The following TMPRSS13 variants were observed in gnomAD, a reference collection of about 807,000 sequenced individuals.
TMPRSS13 encodes the protein transmembrane protease serine 13.
Under a neutral mutation model 68.4 loss-of-function variants are expected in TMPRSS13, and 50 were observed. That is an observed-to-expected ratio of 0.73 (90% CI 0.58 to 0.93). The LOEUF is 0.93. Ranked by LOEUF, TMPRSS13 falls within the 40% of genes least tolerant of loss-of-function variation. The pLI is 0.00. For synonymous variants in TMPRSS13, 267 were observed against 285.8 expected (o/e 0.93, Z 0.66); for missense variants, 615 against 729.2 (o/e 0.84, Z 1.80).
intron 10 of TMPRSS13, among the ~76,000 whole-genome samples, chr11:117,905,388 ACTC>A (rs1316711774): frequency 6.6e-6 from 1 of 152,058 alleles, no homozygotes; most frequent in Admixed American, 6.5e-5. Context: ...TGAGCAATGA[ACTC>A]AACTAGTTCA....
intron 5 of TMPRSS13, among the ~76,000 whole-genome samples, chr11:117,912,759 C>T (rs1292802734): frequency 1.3e-5 from 2 of 152,324 alleles, no homozygotes; most frequent in African/African-American, 4.8e-5. Context: ...GTTTAAGTCT[C>T]TCTCACTGAG....
intron 9 of TMPRSS13, 48 bp downstream of exon 9, chr11:117,908,564 G>C (rs771329115): frequency 3.2e-6 from 5 of 1,540,354 alleles, no homozygotes; most frequent in Non-Finnish European, 8.7e-7. Flanking sequence ...GGCTGCAGAG[G>C]GTGCTGGGGC....
intron 12 of TMPRSS13, chr11:117,903,250 A>C: frequency 7.6e-7 from 1 of 1,313,804 alleles, no homozygotes; most frequent in Non-Finnish European, 1.0e-6. Flanking sequence ...AGACTAAAAC[A>C]AACAGAGCTG....
In TMPRSS13 at chr11:117,918,597, CG is replaced by C; in HGVS notation, c.262del (p.Arg88GlyfsTer25). 6.2e-7 allele frequency: 1 copy of C among 1,610,500 alleles called. No homozygotes were observed. The highest frequency in any genetic ancestry group is 8.5e-7 in the Non-Finnish European group (1 of 1,178,518). ...QASPAQASPA[R>X]ASPALASLSR... The stretch of plus-strand genomic sequence containing the variant: ...AAGTGATGCCAGAGCCGGAGATGCC[CG>C]GGCTGGAGATGCCTGGGCTGGAGAT... On this transcript the variant is annotated frameshift_variant, in exon 2 of 13. Coordinates refer to ENST00000524993, the MANE Select transcript of TMPRSS13 (RefSeq NM_001077263.3). LOFTEE classifies it high-confidence loss of function.
At chr11:117,903,506 C>T in intron 12 of TMPRSS13, 149 bp downstream of exon 12, 1 of 1,547,228 alleles carries the variant, frequency 6.5e-7, no homozygotes, top group Non-Finnish European at 8.7e-7. Flanking sequence ...GGATTGACCC[C>T]AGGCATCACA....
intron 7 of TMPRSS13, 82 bp downstream of exon 7, chr11:117,910,625 C>T (rs941996767): frequency 7.1e-7 from 1 of 1,412,312 alleles, no homozygotes; most frequent in Admixed American, 2.1e-5. Flanking sequence ...CTGTGCCAAA[C>T]ACCTCCCTTG....
chr11:117,917,897 T>C (rs1190694848), intron 2 of TMPRSS13, among the ~76,000 whole-genome samples: 1 of 152,176 alleles, frequency 6.6e-6, no homozygotes, highest in East Asian at 1.9e-4. Context: ...CCCCAAGGCC[T>C]ATTCAACCTC....
chr11:117,913,955 T>A (rs781343453), intron 4 of TMPRSS13, 49 bp from the exon 5 acceptor site: 7 of 1,598,768 alleles, frequency 4.4e-6, no homozygotes, highest in Non-Finnish European at 6.0e-6. Flanking sequence ...CTAGGAAGCA[T>A]CAAGCTCTTG....
At position 117,917,200 on chromosome 11, in the gene TMPRSS13, TGAG is replaced by T; in HGVS notation, c.523_525del (p.Leu175del). The T allele has an allele frequency of 1.2e-6, 2 of 1,612,742 alleles. No homozygotes were observed. Among genetic ancestry groups the T allele is most frequent in the Non-Finnish European group, 1.7e-6 (2 of 1,179,970 alleles). On this transcript the variant is annotated inframe_deletion, in exon 3 of 13. Transcript: ENST00000524993. ...ATGATGAGCGAAACCACCAGGGCAA[TGAG>T]GAGGAGCACGCACCCGATGAGCGGT...
At chr11:117,912,384 G>A (rs915610673) in intron 5 of TMPRSS13, among the ~76,000 whole-genome samples, 6 of 152,210 alleles carry the variant, frequency 3.9e-5, no homozygotes, top group East Asian at 1.9e-4. Context: ...ACATTAAAGC[G>A]TGAGAAGCTC....
chr11:117,919,612 G>A (rs2057622773), intron 1 of TMPRSS13, among the ~76,000 whole-genome samples: 2 of 152,252 alleles, frequency 1.3e-5, no homozygotes, highest in African/African-American at 4.8e-5. Flanking sequence ...AACTTCAGGG[G>A]GAATTCCCAT....
chr11:117,912,180 A>C (rs2057529917), intron 5 of TMPRSS13, among the ~76,000 whole-genome samples: 1 of 152,186 alleles, frequency 6.6e-6, no homozygotes, highest in Admixed American at 6.5e-5. Context: ...CTGAATCAGA[A>C]GCTCTGGGTG....
chr11:117,923,883 C>T (rs1266939005), intron 1 of TMPRSS13, among the ~76,000 whole-genome samples: 2 of 145,900 alleles, frequency 1.4e-5, no homozygotes, highest in Non-Finnish European at 3.0e-5. Flanking sequence ...TGAAGAATGT[C>T]CAGCAGGGAG....
intron 6 of TMPRSS13, among the ~76,000 whole-genome samples, chr11:117,911,517 G>A (rs1218175467): frequency 6.6e-6 from 1 of 152,124 alleles, no homozygotes. Flanking sequence ...TGCCTCTGAC[G>A]ACCTGATAAA....
intron 7 of TMPRSS13, 167 bp downstream of exon 7, chr11:117,910,540 G>A (rs2057512137): frequency 6.8e-6 from 4 of 588,680 alleles, no homozygotes; most frequent in African/African-American, 1.9e-5. Flanking sequence ...GTTACCCTGG[G>A]TGTACCGGTG....
chr11:117,907,313 GCGTGT>G (rs1269366871), intron 9 of TMPRSS13: 2 of 152,384 alleles, frequency 1.3e-5, no homozygotes, highest in African/African-American at 2.4e-5. Flanking sequence ...AGGCTGGTGG[GCGTGT>G]CGTGTCGTGT....
rs757925255 is a variant in TMPRSS13 at position 117,908,620 on chromosome 11, G to T, written c.1274C>A (p.Thr425Asn). ...AGTGCAGATTCCCTCACCGGACAGG[G>T]TCAGGGGCTTGGACAGCCGCATGAG... ...IALMRLSKPLTLSAHIHPACL... is the reference protein window; with the variant it reads ...IALMRLSKPLNLSAHIHPACL... The change falls in exon 9 of 13, where the codon ACC (threonine) becomes AAC (asparagine). Residue 425 changes from threonine to asparagine, a missense_variant. By Grantham distance (65) the Thr-to-Asn change is moderately conservative. Transcript: ENST00000524993. 1 of 1,563,006 alleles carries T rather than the reference G, an allele frequency of 6.4e-7. No individual in the cohort carries two copies. The highest frequency in any genetic ancestry group is 8.7e-7 in the Non-Finnish European group (1 of 1,153,852).
In TMPRSS13 at chr11:117,914,373, C is replaced by A; in HGVS notation, c.679+19G>T. On this transcript the variant is annotated intron_variant, in intron 4 of 12. Coordinates refer to ENST00000524993, the MANE Select transcript of TMPRSS13 (RefSeq NM_001077263.3). The surrounding 1 kb of genome is among the most constrained non-coding windows in gnomAD (Gnocchi z 4.2). Reference sequence around the variant, plus strand: ...TGCACATGCACACGCACGCGCTCCCCCGCACCCAGCCTCCTTACCGCAGCC... The same window carrying A: ...TGCACATGCACACGCACGCGCTCCCACGCACCCAGCCTCCTTACCGCAGCC... The A allele has an allele frequency of 6.2e-7, 1 of 1,612,856 alleles. No homozygotes were observed. Among genetic ancestry groups the A allele is most frequent in the Non-Finnish European group, 8.5e-7 (1 of 1,179,898 alleles).
chr11:117,924,528 A>G (rs2057683105), intron 1 of TMPRSS13, among the ~76,000 whole-genome samples: 1 of 152,034 alleles, frequency 6.6e-6, no homozygotes, highest in Non-Finnish European at 1.5e-5. Flanking sequence ...GCAGGAAGAA[A>G]AACCCCTCAC....
Sources: allele counts gnomAD v4.1 joint callset (sites outside exome capture counted in the v4.1 genomes callset), GRCh38; gene constraint gnomAD v4.1.1; non-coding constraint Gnocchi (gnomAD v3.1); transcripts MANE v1.5; gene names NCBI Gene and HGNC (gene_info 2026-07-23, HGNC 2026-07-21).